DOCK10: variants seen among roughly 807,000 people sequenced by gnomAD.
DOCK10 encodes dedicator of cytokinesis protein 10.
Under a neutral mutation model 280.1 loss-of-function variants are expected in DOCK10, and 145 were observed. The observed-to-expected ratio is 0.52, with a 90% CI of 0.45 to 0.59. The LOEUF is 0.59. Ranked by LOEUF, DOCK10 falls within the 20% of genes least tolerant of loss-of-function variation. The probability of loss-of-function intolerance (pLI) is 0.00; values close to 1 mark genes in which losing one functional copy is unlikely to be tolerated. For synonymous variants in DOCK10, 915 were observed against 942.2 expected (o/e 0.97, Z 0.53); for missense variants, 2,368 against 2,651.7 (o/e 0.89, Z 2.35).
intron 2 of DOCK10, among the ~76,000 whole-genome samples, chr2:224,918,587 T>A (rs1194929572): frequency 6.7e-6 from 1 of 149,578 alleles, no homozygotes; most frequent in Non-Finnish European, 1.5e-5. Flanking sequence ...GTATGTGGTA[T>A]GAGTGTGTGT....
At position 224,792,931 on chromosome 2, in the gene DOCK10, G is replaced by A. The variant is rs764639874; in HGVS notation, c.5311+43C>T. On this transcript the variant is annotated intron_variant, in intron 47 of 55. Transcript: ENST00000258390. ...TGAAGTAGAATTTGAGCAGCAAGTG[G>A]ATTTCCTCTGCATTGGGATAAATGA... 6 of 1,418,496 alleles carry A rather than the reference G, an allele frequency of 4.2e-6. No homozygotes were observed. The South Asian group carries it at 7.2e-5, about 17-fold the overall frequency. 87.9% of individuals were successfully genotyped at this position (1,418,496 alleles called of 1,614,324 possible).
intron 1 of DOCK10, among the ~76,000 whole-genome samples, chr2:224,946,183 A>C (rs1703407901): frequency 1.3e-5 from 2 of 152,246 alleles, no homozygotes; most frequent in Non-Finnish European, 2.9e-5. Flanking sequence ...AGTTCTATAC[A>C]TTCTACAGTT....
chr2:224,958,845 A>G (rs1020595441), intron 1 of DOCK10, among the ~76,000 whole-genome samples: 3 of 152,200 alleles, frequency 2.0e-5, no homozygotes, highest in Admixed American at 6.5e-5. Context: ...AACAGCAGAA[A>G]AGAGTATTGC....
intron 7 of DOCK10, 33 bp from the exon 8 acceptor site, chr2:224,876,254 A>C: frequency 6.5e-7 from 1 of 1,528,780 alleles, no homozygotes; most frequent in Non-Finnish European, 8.9e-7. Context: ...GAAAAAGAGA[A>C]TACCAAAAAA....
At position 224,970,831 on chromosome 2, in the gene DOCK10, G is replaced by A. The variant is rs1203429023; in HGVS notation, c.124-39163C>T. On this transcript the variant is annotated intron_variant, in intron 1 of 55. Coordinates refer to ENST00000258390, the MANE Select transcript of DOCK10 (RefSeq NM_014689.3). The surrounding 1 kb of genome is among the most constrained non-coding windows in gnomAD (Gnocchi z 4.6). ...TGGATTTATTCCTCTAAGATAACCA[G>A]AAACTGGATAGGATTTGCTATGCTA... Among the ~76,000 whole-genome samples, 1 of 152,206 alleles carries A rather than the reference G, an allele frequency of 6.6e-6. No homozygotes were observed. The highest frequency in any genetic ancestry group is 2.4e-5 in the African/African-American group (1 of 41,444).
At chr2:224,804,970 T>A in intron 37 of DOCK10, 88 bp downstream of exon 37, 1 of 1,309,854 alleles carries the variant, frequency 7.6e-7, no homozygotes, top group Non-Finnish European at 1.0e-6. Flanking sequence ...GATAACTTAC[T>A]ATATGGGTTC....
chr2:224,878,269 T>C (rs1361712185), intron 7 of DOCK10, among the ~76,000 whole-genome samples: 1 of 152,252 alleles, frequency 6.6e-6, no homozygotes, highest in Non-Finnish European at 1.5e-5. Context: ...CTGTACTTTA[T>C]GGTCATTATT....
At position 225,035,542 on chromosome 2, in the gene DOCK10, T is replaced by TGATATA. The variant is rs1415059109; in HGVS notation, c.123+6709_123+6710insTATATC. On this transcript the variant is annotated intron_variant, in intron 1 of 55. Coordinates refer to ENST00000258390, the MANE Select transcript of DOCK10 (RefSeq NM_014689.3). ...TAGATCTTATATGATATGATATATA[T>TGATATA]TATATATATATATATATATATATAT... Among the ~76,000 whole-genome samples the TGATATA allele has an allele frequency of 2.6e-3, 132 of 50,010 alleles. 7 individuals carry two copies. Among genetic ancestry groups the TGATATA allele is most frequent in the Non-Finnish European group, 3.7e-3 (96 of 25,894 alleles). The allele number at this position is 50,010 out of a possible 152,430, so 32.8% of individuals were successfully genotyped here.
At chr2:224,961,138 G>T (rs372755486) in intron 1 of DOCK10, among the ~76,000 whole-genome samples, 1 of 152,180 alleles carries the variant, frequency 6.6e-6, no homozygotes, top group Admixed American at 6.5e-5. Context: ...TTCCCAACTC[G>T]GAAGCCTTGA....
At position 224,876,152 on chromosome 2, in the gene DOCK10, C is replaced by A; in HGVS notation, c.817G>T (p.Glu273Ter). 1 of 1,613,856 alleles carries A rather than the reference C, an allele frequency of 6.2e-7. No homozygotes were observed. Among genetic ancestry groups the A allele is most frequent in the Non-Finnish European group, 8.5e-7 (1 of 1,179,832 alleles). The change falls in exon 8 of 56, where the codon GAA (glutamate) becomes TAA (stop). Residue 273 changes from glutamate to a stop codon, truncating the protein, a stop_gained. Coordinates refer to ENST00000258390, the MANE Select transcript of DOCK10 (RefSeq NM_014689.3). LOFTEE classifies it high-confidence loss of function. ...NDLTYFVLAA[E>*]TESDMDEWIH... ...CATTCATCCATATCTGACTCTGTTTCAGCTGCCAGCACAAAATAGGTCAGA... is the reference window on the plus strand; with the variant it reads ...CATTCATCCATATCTGACTCTGTTTAAGCTGCCAGCACAAAATAGGTCAGA...
intron 4 of DOCK10, among the ~76,000 whole-genome samples, chr2:224,888,219 CTGTGTGTGTG>C (rs113299591): frequency 9.3e-5 from 13 of 140,086 alleles, no homozygotes; most frequent in Non-Finnish European, 1.4e-4. Context: ...TAATATAGGC[CTGTGTGTGTG>C]TGTGTGTGTG....
chr2:224,997,211 C>CTCCCTCCCTTCCT (rs1706298549), intron 1 of DOCK10, among the ~76,000 whole-genome samples: 1 of 149,216 alleles, frequency 6.7e-6, no homozygotes, highest in South Asian at 2.1e-4. Context: ...CCTCCCTTCC[C>CTCCCTCCCTTCCT]TCCCTCCCTT....
intron 47 of DOCK10, among the ~76,000 whole-genome samples, chr2:224,790,079 C>T (rs1394669134): frequency 6.6e-6 from 1 of 152,228 alleles, no homozygotes; most frequent in Non-Finnish European, 1.5e-5. Context: ...CTGCGCCTGG[C>T]CAATACTTGC....
chr2:224,851,697 C>T (rs1696754620), intron 18 of DOCK10, among the ~76,000 whole-genome samples: 1 of 151,976 alleles, frequency 6.6e-6, no homozygotes. Flanking sequence ...TGGCAGCAGG[C>T]CCACTACAAA....
intron 1 of DOCK10, among the ~76,000 whole-genome samples, chr2:225,031,230 G>T (rs756011309): frequency 6.6e-6 from 1 of 152,218 alleles, no homozygotes; most frequent in South Asian, 2.1e-4. Flanking sequence ...TGCCAGGGAA[G>T]TGGTGAAAGG....
intron 20 of DOCK10, 25 bp from the exon 21 acceptor site, chr2:224,845,349 A>T (rs1465378141): frequency 8.2e-6 from 13 of 1,581,212 alleles, no homozygotes; most frequent in Non-Finnish European, 1.1e-5. Context: ...AACCAACAAA[A>T]ATTCTGAGTA....
chr2:224,890,124 C>T (rs901582036), intron 4 of DOCK10, among the ~76,000 whole-genome samples: 1 of 152,192 alleles, frequency 6.6e-6, no homozygotes, highest in Non-Finnish European at 1.5e-5. Flanking sequence ...TAGTCATTTC[C>T]CATCAGTTTC....
At chr2:225,027,258 G>C (rs1478281737) in intron 1 of DOCK10, among the ~76,000 whole-genome samples, 1 of 152,196 alleles carries the variant, frequency 6.6e-6, no homozygotes, top group Admixed American at 6.5e-5. Context: ...TGACAGTCTA[G>C]GGTCTACTGA....
chr2:224,857,612 T>G (rs1463054762), intron 14 of DOCK10, among the ~76,000 whole-genome samples: 1 of 152,206 alleles, frequency 6.6e-6, no homozygotes, highest in Non-Finnish European at 1.5e-5. Context: ...AAGTTAGGCT[T>G]AGTTGAAACA....
Sources: allele counts gnomAD v4.1 joint callset (sites outside exome capture counted in the v4.1 genomes callset), GRCh38; gene constraint gnomAD v4.1.1; non-coding constraint Gnocchi (gnomAD v3.1); transcripts MANE v1.5; gene names NCBI Gene and HGNC (gene_info 2026-07-23, HGNC 2026-07-21).